Variants in NTM observed in about 807,000 individuals in gnomAD.
NTM encodes the protein IgLON family member 2.
In NTM, 13 loss-of-function variants were observed where a neutral mutation model predicts 42.1. The observed-to-expected ratio is 0.31, with a 90% CI of 0.20 to 0.49. The LOEUF is 0.49. Ranked by LOEUF, NTM falls within the 20% of genes least tolerant of loss-of-function variation. The pLI, the probability that NTM is intolerant of heterozygous loss-of-function variation, is 0.99. For synonymous variants in NTM, 187 were observed against 179.2 expected (o/e 1.04, Z -0.35); for missense variants, 373 against 452.8 (o/e 0.82, Z 1.60).
intron 1 of NTM, among the ~76,000 whole-genome samples, chr11:131,475,880 AAG>A (rs931482893): frequency 6.6e-6 from 1 of 152,212 alleles, no homozygotes; most frequent in African/African-American, 2.4e-5. Context: ...AAGAGAAAAA[AAG>A]AGGCAGGAAG....
chr11:131,894,745 T>C (rs2051986689), intron 1 of NTM, among the ~76,000 whole-genome samples: 1 of 152,198 alleles, frequency 6.6e-6, no homozygotes, highest in Non-Finnish European at 1.5e-5. Context: ...GGGAGGTTGT[T>C]CATCCTCCTC....
At chr11:132,027,508 G>A (rs1301611772) in intron 2 of NTM, among the ~76,000 whole-genome samples, 4 of 152,044 alleles carry the variant, frequency 2.6e-5, no homozygotes, top group Non-Finnish European at 5.9e-5. Flanking sequence ...TAATTTTGCT[G>A]GATACAGAAT....
intron 1 of NTM, chr11:131,774,235 T>C (rs1480455791): frequency 2.5e-6 from 1 of 403,836 alleles, no homozygotes; most frequent in Non-Finnish European, 3.4e-6. Flanking sequence ...TTTTTGCCCC[T>C]TACAACCTCA....
At chr11:132,046,778 CAGCTG>C (rs895776765) in intron 2 of NTM, among the ~76,000 whole-genome samples, 1 of 152,190 alleles carries the variant, frequency 6.6e-6, no homozygotes, top group African/African-American at 2.4e-5. Context: ...ACAGAGATCA[CAGCTG>C]AGCACTGGCT....
intron 4 of NTM, among the ~76,000 whole-genome samples, chr11:132,295,643 C>T (rs1233293482): frequency 6.6e-6 from 1 of 152,090 alleles, no homozygotes; most frequent in Non-Finnish European, 1.5e-5. Flanking sequence ...GACAAACAGG[C>T]ACAGATCAAT....
At chr11:131,676,856 C>A (rs1228482893) in intron 1 of NTM, among the ~76,000 whole-genome samples, 1 of 152,254 alleles carries the variant, frequency 6.6e-6, no homozygotes, top group African/African-American at 2.4e-5. Flanking sequence ...TCCACTTCAG[C>A]CTCTGGAGTA....
intron 4 of NTM, among the ~76,000 whole-genome samples, chr11:132,281,281 G>T (rs1302877400): frequency 1.3e-5 from 2 of 152,102 alleles, no homozygotes; most frequent in Non-Finnish European, 2.9e-5. Context: ...CAAGCCTGAA[G>T]GTTTCAGGAG....
chr11:131,804,923 G>A (rs994651492), intron 1 of NTM, among the ~76,000 whole-genome samples: 4 of 152,120 alleles, frequency 2.6e-5, no homozygotes, highest in Admixed American at 1.3e-4. Flanking sequence ...AAGACACAGC[G>A]TTCCTTCCTT....
chr11:131,854,483 G>C (rs1341857139), intron 1 of NTM, among the ~76,000 whole-genome samples: 4 of 152,198 alleles, frequency 2.6e-5, no homozygotes, highest in African/African-American at 4.8e-5. Context: ...TCTGAAGGAA[G>C]AGGGAAAACC....
At chr11:131,796,127 G>A (rs1462394133) in intron 1 of NTM, 4 of 985,312 alleles carry the variant, frequency 4.1e-6, no homozygotes, top group Non-Finnish European at 4.8e-6. Context: ...GCCACAGGAA[G>A]TTGAAGGACT....
intron 2 of NTM, among the ~76,000 whole-genome samples, chr11:131,987,556 G>C (rs886798219): frequency 5.9e-5 from 9 of 152,118 alleles, no homozygotes; most frequent in Non-Finnish European, 1.0e-4. Flanking sequence ...ACATTACCTG[G>C]TGAGGAAAAG....
intron 1 of NTM, among the ~76,000 whole-genome samples, chr11:131,390,380 G>T (rs1252356220): frequency 6.6e-6 from 1 of 152,140 alleles, no homozygotes; most frequent in African/African-American, 2.4e-5. Flanking sequence ...TTCAATATGA[G>T]ATTTGGAGGG....
At chr11:131,957,453 A>T (rs2061672595) in intron 2 of NTM, among the ~76,000 whole-genome samples, 1 of 152,104 alleles carries the variant, frequency 6.6e-6, no homozygotes, top group African/African-American at 2.4e-5. Context: ...GACACAGTCC[A>T]CTTTGCATCC....
chr11:131,437,613 T>A (rs1344061170), intron 1 of NTM, among the ~76,000 whole-genome samples: 1 of 152,182 alleles, frequency 6.6e-6, no homozygotes, highest in Admixed American at 6.5e-5. Context: ...CAACCTCTGC[T>A]TTTTATTTGC....
intron 1 of NTM, among the ~76,000 whole-genome samples, chr11:131,407,158 A>T (rs1945889742): frequency 6.6e-6 from 1 of 152,196 alleles, no homozygotes; most frequent in Non-Finnish European, 1.5e-5. Context: ...CAGTGGCTTG[A>T]GGGTGTCCAG....
chr11:131,649,909 C>T (rs2134322989), intron 1 of NTM, among the ~76,000 whole-genome samples: 1 of 152,308 alleles, frequency 6.6e-6, no homozygotes, highest in East Asian at 1.9e-4. Context: ...CTATTCAATT[C>T]TAATGACCTG....
At chr11:132,293,449 C>T (rs931664157) in intron 4 of NTM, among the ~76,000 whole-genome samples, 14 of 151,960 alleles carry the variant, frequency 9.2e-5, no homozygotes, top group African/African-American at 2.2e-4. Flanking sequence ...TGTCAGGGAG[C>T]GTTGATGATG....
chr11:131,551,205 A>G (rs2054616755), intron 1 of NTM, among the ~76,000 whole-genome samples: 2 of 152,118 alleles, frequency 1.3e-5, no homozygotes, highest in South Asian at 2.1e-4. Context: ...ACTTTGTACC[A>G]TTTCATGGAG....
At chr11:131,782,470 A>G (rs1433091770) in intron 1 of NTM, among the ~76,000 whole-genome samples, 1 of 152,078 alleles carries the variant, frequency 6.6e-6, no homozygotes, top group African/African-American at 2.4e-5. Flanking sequence ...TTCAGAAAAT[A>G]GAGAAAAAAG....
Sources: gnomAD v4.1 joint callset for allele counts (sites outside exome capture counted in the v4.1 genomes callset) on GRCh38, gnomAD v4.1.1 for gene constraint, MANE v1.5 for transcripts, NCBI Gene and HGNC (gene_info 2026-07-23, HGNC 2026-07-21) for gene names.